The following PUM1 variants were observed in gnomAD, a reference collection of about 807,000 sequenced individuals.
The protein encoded by PUM1 is pumilio RNA binding family member 1.
Under a neutral mutation model 131.8 loss-of-function variants are expected in PUM1, and 13 were observed. That is an observed-to-expected ratio of 0.10 (90% CI 0.06 to 0.16). The LOEUF (loss-of-function observed/expected upper bound fraction) is 0.16. Ranked by LOEUF, PUM1 falls within the 10% of genes least tolerant of loss-of-function variation. The pLI is 1.00. For missense variants in PUM1, 961 were observed against 1,512.4 expected, an observed-to-expected ratio of 0.64 and a Z score of 6.05; for synonymous variants, 509 against 556.5, an observed-to-expected ratio of 0.91 and a Z score of 1.20.
chr1:31,012,551 G>GT (rs1491079993), intron 3 of PUM1, among the ~76,000 whole-genome samples: 4 of 29,482 alleles, frequency 1.4e-4, no homozygotes, highest in South Asian at 1.3e-3. Context: ...CTTATGAAAA[G>GT]TAAAAAAAAA....
At chr1:30,967,550 C>G (rs1387283970) in intron 11 of PUM1, among the ~76,000 whole-genome samples, 1 of 152,048 alleles carries the variant, frequency 6.6e-6, no homozygotes, top group African/African-American at 2.4e-5. Flanking sequence ...CAGGAAAAAC[C>G]TAGATAGGCT....
chr1:31,014,301 CAAAA>C (rs745510280), intron 3 of PUM1, among the ~76,000 whole-genome samples: 9 of 76,080 alleles, frequency 1.2e-4, no homozygotes, highest in Admixed American at 6.4e-4. Flanking sequence ...ATCCAGTCTC[CAAAA>C]AAAAAAAAAA....
At chr1:30,982,728 G>A (rs1641400170) in intron 7 of PUM1, among the ~76,000 whole-genome samples, 1 of 152,186 alleles carries the variant, frequency 6.6e-6, no homozygotes, top group Non-Finnish European at 1.5e-5. Context: ...ATCTTAGGTG[G>A]TGGAGAGATT....
chr1:31,025,500 T>C (rs140965881), intron 3 of PUM1, among the ~76,000 whole-genome samples: 1 of 151,990 alleles, frequency 6.6e-6, no homozygotes, highest in Admixed American at 6.6e-5. Context: ...AGTCATGCAA[T>C]TTACTTCTAG....
chr1:30,994,256 G>A (rs1257884700), intron 6 of PUM1, among the ~76,000 whole-genome samples: 2 of 151,938 alleles, frequency 1.3e-5, no homozygotes, highest in Admixed American at 6.5e-5. Context: ...GTGAGTGTGT[G>A]CATGCACACA....
At chr1:30,995,268 T>G (rs747283505) in intron 5 of PUM1, 48 bp from the exon 6 acceptor site, 1 of 1,603,978 alleles carries the variant, frequency 6.2e-7, no homozygotes, top group South Asian at 1.1e-5. Context: ...CAACTAATAA[T>G]AACGGGCAAC....
rs2124413510 is a variant in PUM1, at chr1:30,952,332, G to A, written c.2623C>T (p.Pro875Ser). The change falls in exon 16 of 22, where the codon CCA becomes TCA. Residue 875 changes from proline to serine, a missense_variant. This residue lies in a region of PUM1 where 117 missense variants were observed against 200.7 expected (regional missense o/e 0.58). Coordinates refer to ENST00000426105, the MANE Select transcript of PUM1 (RefSeq NM_001020658.2). ...TTGAAGACAAGCTGGCGCTCAGCTGGTGTGGCACGCTCCAGTTTCAGCTGA... is the reference window on the plus strand; with the variant it reads ...TTGAAGACAAGCTGGCGCTCAGCTGATGTGGCACGCTCCAGTTTCAGCTGA... ...FIQLKLERATPAERQLVFNEI... is the reference protein window; with the variant it reads ...FIQLKLERATSAERQLVFNEI... 1.2e-6 allele frequency: 2 copies of A among 1,613,302 alleles called. No homozygotes were observed. The highest frequency in any genetic ancestry group is 1.7e-6 in the Non-Finnish European group (2 of 1,179,250).
intron 4 of PUM1, among the ~76,000 whole-genome samples, chr1:31,006,440 C>CTGTA (rs1252806188): frequency 6.6e-6 from 1 of 152,162 alleles, no homozygotes; most frequent in Non-Finnish European, 1.5e-5. Flanking sequence ...TTACGTTGTA[C>CTGTA]TGTAATACAC....
At chr1:30,973,865 G>A (rs1641029345) in intron 10 of PUM1, among the ~76,000 whole-genome samples, 1 of 152,004 alleles carries the variant, frequency 6.6e-6, no homozygotes, top group East Asian at 1.9e-4. Flanking sequence ...CGAGGCGGGT[G>A]GATCACGAGG....
At chr1:31,045,213 C>A (rs949326855) in intron 2 of PUM1, among the ~76,000 whole-genome samples, 1 of 151,728 alleles carries the variant, frequency 6.6e-6, no homozygotes, top group Non-Finnish European at 1.5e-5. Context: ...TTCACTGTAA[C>A]CTCCGCCCCG....
At chr1:31,055,483 G>A in intron 2 of PUM1, 3 of 437,348 alleles carry the variant, frequency 6.9e-6, no homozygotes, top group Non-Finnish European at 9.2e-6. Context: ...AATGACTACA[G>A]AAAAGTAACC....
At chr1:31,060,860 T>C (rs936379356) in intron 1 of PUM1, among the ~76,000 whole-genome samples, 1 of 150,828 alleles carries the variant, frequency 6.6e-6, no homozygotes, top group Non-Finnish European at 1.5e-5. Flanking sequence ...CACTCCAGCC[T>C]GGGCGACAAA....
chr1:30,936,879 CCT>C lies in PUM1; in HGVS notation c.3243-46_3243-45del, dbSNP rs56387244. 0.31 allele frequency: 468,534 copies of C among 1,499,110 alleles called. 78,898 individuals carry two copies. Among genetic ancestry groups the C allele is most frequent in the Non-Finnish European group, 0.34 (376,739 of 1,093,726 alleles). The allele number at this position is 1,499,110 out of a possible 1,614,324, so 92.9% of individuals were successfully genotyped here. ...AGGGACAACTCTTACAAGAGAGGCC[CCT>C]GTTAGTGAGGCTGTGCTTGCCTAGC... is the stretch of plus-strand genomic sequence containing the variant. On this transcript the variant is annotated intron_variant, in intron 20 of 21. Coordinates refer to ENST00000426105, the MANE Select transcript of PUM1 (RefSeq NM_001020658.2).
rs1487363767 is a variant in PUM1 at position 31,001,861 on chromosome 1, C to T, written c.720+3992G>A. ...TCCAGCTGAGTTTTCTGAGATAACG[C>T]GTATGATAGCAGTGCTTATCAAACT... On this transcript the variant is annotated intron_variant, in intron 5 of 21. Coordinates refer to ENST00000426105, the MANE Select transcript of PUM1 (RefSeq NM_001020658.2). Among the ~76,000 whole-genome samples, 4 of 152,242 alleles carry T rather than the reference C, an allele frequency of 2.6e-5. 1 individual carries two copies. The highest frequency in any genetic ancestry group is 6.8e-3 in the Middle Eastern group (2 of 294).
intron 14 of PUM1, among the ~76,000 whole-genome samples, chr1:30,957,401 G>A (rs556627465): frequency 3.3e-5 from 5 of 151,548 alleles, no homozygotes; most frequent in South Asian, 4.3e-4. Flanking sequence ...TGTGCTTTCC[G>A]ATTCACAATA....
At chr1:30,995,535 T>C (rs1220177113) in intron 5 of PUM1, among the ~76,000 whole-genome samples, 3 of 152,092 alleles carry the variant, frequency 2.0e-5, no homozygotes, top group African/African-American at 7.2e-5. Flanking sequence ...AGCCCAGCCA[T>C]AACTTTGCAG....
At chr1:31,028,734 A>T (rs1318637414) in intron 3 of PUM1, 62 bp downstream of exon 3, 4 of 1,311,894 alleles carry the variant, frequency 3.0e-6, no homozygotes, top group Admixed American at 3.4e-5. Flanking sequence ...ACATTTGATG[A>T]AAGACAACTC....
chr1:30,936,563 G>A (rs549304966), intron 21 of PUM1, 80 bp downstream of exon 21: 2 of 1,350,486 alleles, frequency 1.5e-6, no homozygotes, highest in Non-Finnish European at 2.0e-6. Flanking sequence ...AAACAGCAGG[G>A]CACCCACCCT....
At chr1:31,000,267 G>T (rs1642160474) in intron 5 of PUM1, among the ~76,000 whole-genome samples, 1 of 152,154 alleles carries the variant, frequency 6.6e-6, no homozygotes, top group South Asian at 2.1e-4. Context: ...AATGAAAAAG[G>T]CTTAACAGCA....
Sources: allele counts gnomAD v4.1 joint callset (sites outside exome capture counted in the v4.1 genomes callset), GRCh38; gene constraint gnomAD v4.1.1; regional missense constraint gnomAD v4.1.1; transcripts MANE v1.5; gene names NCBI Gene and HGNC (gene_info 2026-07-23, HGNC 2026-07-21).